TNNT3: variants seen among roughly 807,000 people sequenced by gnomAD.
TNNT3 encodes troponin T3, fast skeletal type.
Under a neutral mutation model 54.2 loss-of-function variants are expected in TNNT3, and 36 were observed. The observed-to-expected ratio is 0.66, with a 90% CI of 0.51 to 0.88. The LOEUF is 0.88. Ranked by LOEUF, TNNT3 falls within the 40% of genes least tolerant of loss-of-function variation. The pLI, the probability that TNNT3 is intolerant of heterozygous loss-of-function variation, is 0.00. For synonymous variants in TNNT3, 120 were observed against 109.7 expected (o/e 1.09, Z -0.59); for missense variants, 291 against 331.6 (o/e 0.88, Z 0.95).
intron 8 of TNNT3, 124 bp downstream of exon 8, chr11:1,929,952 T>A (rs1852872864): frequency 7.5e-7 from 1 of 1,325,536 alleles, no homozygotes; most frequent in Non-Finnish European, 1.1e-6. Context: ...GCCAAGTGAG[T>A]GTGGGGTCCT....
chr11:1,920,354 G>T (rs1036876507), intron 1 of TNNT3, among the ~76,000 whole-genome samples: 1 of 152,178 alleles, frequency 6.6e-6, no homozygotes, highest in African/African-American at 2.4e-5. Context: ...GCGTCTGGAG[G>T]TGCAGGACAG....
In TNNT3 at chr11:1,930,965, TAAA is replaced by T. The variant is rs552378760; in HGVS notation, c.125+1140_125+1142del. On this transcript the variant is annotated intron_variant, in intron 8 of 15. Coordinates refer to ENST00000278317, the MANE Select transcript of TNNT3 (RefSeq NM_006757.4). ...GACTGTGGAAAAGAGCAGAAAGAAA[TAAA>T]AAGCCTTATTTCTTCCTTTTTTCCA... is the stretch of plus-strand genomic sequence containing the variant. Among the ~76,000 whole-genome samples the T allele has an allele frequency of 9.2e-5, 14 of 152,200 alleles. 1 individual carries two copies. In the South Asian group the frequency reaches 2.9e-3, roughly 32 times the overall value.
At chr11:1,926,478 C>T (rs1851625702) in intron 5 of TNNT3, 1 of 1,613,236 alleles carries the variant, frequency 6.2e-7, no homozygotes, top group Non-Finnish European at 8.5e-7. Flanking sequence ...AGTTCATGAA[C>T]CAGGTACGTG....
At position 1,929,094 on chromosome 11, in the gene TNNT3, T is replaced by G. The variant is rs773764853; in HGVS notation, c.83-26T>G. On this transcript the variant is annotated intron_variant, in intron 6 of 15. Coordinates refer to ENST00000278317, the MANE Select transcript of TNNT3 (RefSeq NM_006757.4). ...CGCACTGGCTTTTCTCTTGCATGTG[T>G]GCTTGTGCCTTTTGCCACCTGGAAG... 5 of 1,613,288 alleles carry G rather than the reference T, an allele frequency of 3.1e-6. No homozygotes were observed. The South Asian group carries it at 5.5e-5, about 18-fold the overall frequency.
intron 12 of TNNT3, 25 bp from the exon 13 acceptor site, chr11:1,934,521 C>T: frequency 6.2e-7 from 1 of 1,606,520 alleles, no homozygotes. Flanking sequence ...GACCAGGCCC[C>T]TCTCTTTGGG....
At chr11:1,934,486 T>G in intron 12 of TNNT3, 41 bp downstream of exon 12, 1 of 1,608,608 alleles carries the variant, frequency 6.2e-7, no homozygotes, top group Non-Finnish European at 8.5e-7. Flanking sequence ...GCCTTCAGTG[T>G]GGGCTACGCC....
chr11:1,925,854 T>A (rs1329875687), intron 5 of TNNT3, among the ~76,000 whole-genome samples: 1 of 152,142 alleles, frequency 6.6e-6, no homozygotes, highest in Non-Finnish European at 1.5e-5. Context: ...TGGGGTCCCA[T>A]GCCCAGATCA....
rs1483036041 is a variant in TNNT3 at position 1,933,791 on chromosome 11, C to A, written c.242C>A (p.Ala81Asp). The change falls in exon 10 of 16, where the codon GCC (alanine) becomes GAC (aspartate). Residue 81 changes from alanine to aspartate, a missense_variant. By Grantham distance (126) the Ala-to-Asp change is moderately radical. Coordinates refer to ENST00000278317, the MANE Select transcript of TNNT3 (RefSeq NM_006757.4). ...LQALIDSHFEARKKEEEELVA... is the reference protein window; with the variant it reads ...LQALIDSHFEDRKKEEEELVA... ...GCCCTCATCGACAGCCACTTTGAAGCCCGGAAGAAGGAGGAGGAGGAGCTG... is the reference window on the plus strand; with the variant it reads ...GCCCTCATCGACAGCCACTTTGAAGACCGGAAGAAGGAGGAGGAGGAGCTG... 1 of 1,612,890 alleles carries A rather than the reference C, an allele frequency of 6.2e-7. No homozygotes were observed. The highest frequency in any genetic ancestry group is 8.5e-7 in the Non-Finnish European group (1 of 1,179,896).
At chr11:1,929,562 C>G (rs1366585977) in intron 7 of TNNT3, among the ~76,000 whole-genome samples, 1 of 152,250 alleles carries the variant, frequency 6.6e-6, no homozygotes, top group East Asian at 1.9e-4. Context: ...CCTACCTCTT[C>G]CTCACCCTTC....
chr11:1,937,200 A>G (rs1379753989), intron 15 of TNNT3, among the ~76,000 whole-genome samples, 197 bp downstream of exon 15: 1 of 152,034 alleles, frequency 6.6e-6, no homozygotes, highest in Non-Finnish European at 1.5e-5. Flanking sequence ...TCCTGCACGC[A>G]GGGGAGCCCT....
chr11:1,922,924 G>T lies in TNNT3; in HGVS notation c.17+33G>T, dbSNP rs759255368. On this transcript the variant is annotated intron_variant, in intron 2 of 15. Transcript: ENST00000278317. ...CCCAGCTGGTGGCTGCCCCCTGCCT[G>T]GCTCGGGACCCTGGCCCCTTGGCTT... The T allele has an allele frequency of 3.7e-6, 6 of 1,613,632 alleles. No homozygotes were observed. In the African/African-American group the frequency reaches 4.0e-5, roughly 11 times the overall value.
intron 1 of TNNT3, among the ~76,000 whole-genome samples, chr11:1,921,004 C>A (rs965490685): frequency 3.3e-5 from 5 of 151,994 alleles, no homozygotes; most frequent in Admixed American, 1.3e-4. Flanking sequence ...TGGAGGTCAC[C>A]CTGCCTGAGG....
Position 1,938,523 on chromosome 11 carries a change from C to G in TNNT3, c.*31C>G. The G allele has an allele frequency of 6.2e-7, 1 of 1,609,490 alleles. No homozygotes were observed. Among genetic ancestry groups the G allele is most frequent in the Admixed American group, 1.7e-5 (1 of 59,904 alleles). The stretch of plus-strand genomic sequence containing the variant: ...CCAGAAAGGCCCCTCGAGGCAGAGA[C>G]CCTCCGCCCTCTTGCACACCAGGGC... On this transcript the variant is annotated 3_prime_UTR_variant, in exon 16 of 16. Coordinates refer to ENST00000278317, the MANE Select transcript of TNNT3 (RefSeq NM_006757.4).
rs73413027 is a variant in TNNT3, at chr11:1,928,807, G to A, written c.83-313G>A. Among the ~76,000 whole-genome samples, 2,607 of 150,392 alleles carry A rather than the reference G, an allele frequency of 0.017. 74 individuals carry two copies. The highest frequency in any genetic ancestry group is 0.057 in the African/African-American group (2,334 of 40,880). On this transcript the variant is annotated intron_variant, in intron 6 of 15. Coordinates refer to ENST00000278317, the MANE Select transcript of TNNT3 (RefSeq NM_006757.4). ...CCAGACCCAAGAGGACAGACCGGGG[G>A]GACAGATGAGACCCAGTGCCCTTAG...
intron 4 of TNNT3, chr11:1,924,807 G>A (rs1851054699): frequency 3.4e-6 from 2 of 589,324 alleles, no homozygotes; most frequent in East Asian, 2.8e-5. Context: ...CTCCAGGCAT[G>A]GGAATACCAG....
chr11:1,936,823 G>A, intron 14 of TNNT3, 140 bp from the exon 15 acceptor site: 1 of 822,228 alleles, frequency 1.2e-6, no homozygotes, highest in East Asian at 2.7e-5. Flanking sequence ...AGACAGTAAG[G>A]GAGCCGAGGA....
rs1277159140 is a variant in TNNT3 at position 1,934,375 on chromosome 11, C to T, written c.410C>T (p.Ala137Val). Residue 137 changes from alanine (A) to valine (V), a missense_variant, in exon 12 of 16, where the codon GCA becomes GTA. By Grantham distance (64) the Ala-to-Val change is moderately conservative. Transcript: ENST00000278317. ...GAGGAGGAGGATGCCAAGAGGAGGG[C>T]AGAGGACGACCTGAAGAAGAAGAAA... ...RREEEDAKRRAEDDLKKKKAL... is the reference protein window; with the variant it reads ...RREEEDAKRRVEDDLKKKKAL... The T allele has an allele frequency of 1.2e-6, 2 of 1,613,928 alleles. No homozygotes were observed. Among genetic ancestry groups the T allele is most frequent in the Admixed American group, 1.7e-5 (1 of 60,026 alleles).
rs1374457341 is a variant in TNNT3 at position 1,923,552 on chromosome 11, C to A, written c.32-3C>A. 1 of 1,614,062 alleles carries A rather than the reference C, an allele frequency of 6.2e-7. No homozygotes were observed. The highest frequency in any genetic ancestry group is 1.1e-5 in the South Asian group (1 of 91,076). ...TTCCCCTCTTTGTTCTGTCCCAATG[C>A]AGAGCAGTACGAAGAAGAAGGTAAT... On this transcript the variant is annotated splice_region_variant and splice_polypyrimidine_tract_variant and intron_variant, in intron 3 of 15. Transcript: ENST00000278317.
intron 4 of TNNT3, 69 bp downstream of exon 4, chr11:1,923,641 C>T (rs1487113087): frequency 3.3e-5 from 35 of 1,057,432 alleles, no homozygotes; most frequent in Non-Finnish European, 3.9e-5. Flanking sequence ...TCCCGTGTGG[C>T]GCTCACAGAA....
Sources: allele counts gnomAD v4.1 joint callset (sites outside exome capture counted in the v4.1 genomes callset), GRCh38; gene constraint gnomAD v4.1.1; transcripts MANE v1.5; gene names NCBI Gene and HGNC (gene_info 2026-07-23, HGNC 2026-07-21).